MCF2: variants seen among roughly 807,000 people sequenced by gnomAD.
MCF2 encodes MCF.2 cell line derived transforming sequence.
MCF2 carries 44 observed loss-of-function variants against 82.5 expected under a neutral mutation model. The observed-to-expected ratio is 0.53, with a 90% confidence interval of 0.42 to 0.69. MCF2 has a LOEUF of 0.69. Ranked by LOEUF, MCF2 falls within the 30% of genes least tolerant of loss-of-function variation. MCF2 has a pLI of 0.00. For synonymous variants in MCF2, 217 were observed against 224.9 expected (o/e 0.96, Z 0.32); for missense variants, 623 against 663.1 (o/e 0.94, Z 0.66).
chrX:139,674,317 T>C (rs969713762), intron 1 of MCF2, among the ~76,000 whole-genome samples: 12 of 111,997 alleles, frequency 1.1e-4, no homozygotes, highest in African/African-American at 3.6e-4. Context: ...TTTAGCCCAT[T>C]TACATTTAAG....
At chrX:139,612,273 T>A (rs1931557540) in intron 10 of MCF2, among the ~76,000 whole-genome samples, 1 of 109,634 alleles carries the variant, frequency 9.1e-6, no homozygotes, top group African/African-American at 3.3e-5. Context: ...GAGAGATGAG[T>A]TAATCTGAGG....
At chrX:139,681,905 G>A (rs779003206) in intron 1 of MCF2, among the ~76,000 whole-genome samples, 2 of 112,180 alleles carry the variant, frequency 1.8e-5, no homozygotes, top group Non-Finnish European at 3.8e-5. Context: ...GCACATGGAT[G>A]ACTTTCATTT....
At chrX:139,701,361 G>T (rs148947345) in intron 1 of MCF2, among the ~76,000 whole-genome samples, 1 of 111,974 alleles carries the variant, frequency 8.9e-6, no homozygotes, top group African/African-American at 3.2e-5. Flanking sequence ...ACTAATCTGG[G>T]TGTCGCTGTA....
At chrX:139,702,746 G>A (rs753461379) in intron 1 of MCF2, among the ~76,000 whole-genome samples, 22 of 112,684 alleles carry the variant, frequency 2.0e-4, no homozygotes, top group Admixed American at 5.6e-4. Context: ...GGGAAGGGAA[G>A]TGCAGAGCTG....
intron 1 of MCF2, among the ~76,000 whole-genome samples, chrX:139,693,023 C>T (rs56346532): frequency 0.027 from 3,010 of 111,506 alleles, 53 homozygotes; most frequent in Non-Finnish European, 0.042. Flanking sequence ...GAGGAGGCAA[C>T]CCGTTTAAGA....
chrX:139,599,067 A>T (rs1930328872), intron 16 of MCF2, among the ~76,000 whole-genome samples: 1 of 109,968 alleles, frequency 9.1e-6, no homozygotes, highest in South Asian at 4.0e-4. Context: ...CAAGATGCAG[A>T]TATTTAGGAT....
chrX:139,603,246 G>A (rs1871854854), intron 15 of MCF2, among the ~76,000 whole-genome samples: 1 of 112,341 alleles, frequency 8.9e-6, no homozygotes, highest in Admixed American at 9.4e-5. Flanking sequence ...AATGGTTGTT[G>A]AATAAATAAA....
intron 1 of MCF2, among the ~76,000 whole-genome samples, chrX:139,666,209 C>CT (rs1338352173): frequency 0.035 from 3,543 of 100,632 alleles, 167 homozygotes; most frequent in African/African-American, 0.12. Context: ...TTCATTCATT[C>CT]TTTTTTTTTT....
intron 10 of MCF2, 85 bp downstream of exon 13, chrX:139,614,796 G>T: frequency 1.1e-6 from 1 of 896,271 alleles, no homozygotes; most frequent in Non-Finnish European, 1.6e-6. Flanking sequence ...TATCCGCATT[G>T]AAGAATAAAC....
intron 1 of MCF2, among the ~76,000 whole-genome samples, chrX:139,674,967 C>T (rs1238622166): frequency 1.8e-5 from 2 of 112,224 alleles, no homozygotes; most frequent in South Asian, 3.7e-4. Context: ...ACCAGTCAAA[C>T]GTAGATTTGG....
At chrX:139,683,473 T>G (rs1427427856) in intron 1 of MCF2, among the ~76,000 whole-genome samples, 1 of 112,181 alleles carries the variant, frequency 8.9e-6, no homozygotes, top group South Asian at 3.7e-4. Context: ...TGCACAGAAA[T>G]TTTCAAGCTA....
chrX:139,608,176 A>G (rs1269352081), intron 11 of MCF2, among the ~76,000 whole-genome samples: 1 of 111,242 alleles, frequency 9.0e-6, no homozygotes, highest in African/African-American at 3.3e-5. Flanking sequence ...TCTTTAATCA[A>G]AGACACACGA....
chrX:139,647,334 T>A (rs1354980442), upstream of MCF2, among the ~76,000 whole-genome samples: 2 of 111,688 alleles, frequency 1.8e-5, no homozygotes, highest in Non-Finnish European at 3.8e-5. Flanking sequence ...CAGGAAAAGA[T>A]ACAGAGCACC....
chrX:139,707,532 A>G (rs887394584), intron 1 of MCF2, among the ~76,000 whole-genome samples: 1 of 111,750 alleles, frequency 8.9e-6, no homozygotes, highest in Non-Finnish European at 1.9e-5. Context: ...TTGCGTGCTT[A>G]AAAAGAACTG....
rs1930707880 is a variant in MCF2 at position 139,603,330 on chromosome X, A to C, written c.1744-832T>G. Among the ~76,000 whole-genome samples, 4 of 112,380 alleles carry C rather than the reference A, an allele frequency of 3.6e-5. No homozygotes were observed. The Admixed American group carries it at 3.8e-4, about 11-fold the overall frequency. ...CTGCTAACCCAATGAGAGATACAAC[A>C]ATATATAGGATATGGACTCTCGTTC... On this transcript the variant is annotated intron_variant, in intron 15 of 24. Transcript: ENST00000370576.
chrX:139,613,184 A>G, intron 10 of MCF2, 32 bp downstream of exon 14: 1 of 1,060,096 alleles, frequency 9.4e-7, no homozygotes, highest in Non-Finnish European at 1.3e-6. Context: ...AGAAAAATGT[A>G]TTGGCAAAAG....
Position 139,664,137 on chromosome X carries a change from T to G in MCF2, c.-44-12349A>C, listed in dbSNP as rs1487659467. On this transcript the variant is annotated intron_variant, in intron 1 of 27. Coordinates refer to the MCF2 transcript ENST00000414978. Reference sequence around the variant, plus strand: ...CTCCGGCCTTAGCCTCCCAAGTAGCTGGGACTACAGGCACAAGCCCCCATG... The same window carrying G: ...CTCCGGCCTTAGCCTCCCAAGTAGCGGGGACTACAGGCACAAGCCCCCATG... 1.4e-4 allele frequency among the ~76,000 whole-genome samples: 15 copies of G among 110,408 alleles called. No individual in the cohort carries two copies. The Admixed American group carries it at 1.4e-3, about 11-fold the overall frequency.
upstream of MCF2, chrX:139,645,502 T>C: frequency 1.5e-6 from 1 of 653,816 alleles, no homozygotes. Flanking sequence ...AATCTATACC[T>C]CCCAAAACAG....
chrX:139,590,536 G>A (rs5909031), intron 19 of MCF2, among the ~76,000 whole-genome samples: 42,317 of 99,736 alleles, frequency 0.42, 6,934 homozygotes, highest in Middle Eastern at 0.55. Flanking sequence ...TGAAACTTCT[G>A]TACACAATAT....
Sources: allele counts gnomAD v4.1 joint callset (sites outside exome capture counted in the v4.1 genomes callset), GRCh38; gene constraint gnomAD v4.1.1; transcripts MANE v1.5; gene names NCBI Gene and HGNC (gene_info 2026-07-23, HGNC 2026-07-21).